MEGF10: variants seen among roughly 807,000 people sequenced by gnomAD.
MEGF10 encodes the protein multiple epidermal growth factor-like domains protein 10.
Under a neutral mutation model 147.5 loss-of-function variants are expected in MEGF10, and 86 were observed. The observed-to-expected ratio is 0.58, with a 90% CI of 0.49 to 0.70. The LOEUF is 0.70. MEGF10 is among the 30% of genes least tolerant of loss of function. The probability of loss-of-function intolerance (pLI) is 0.00; values close to 1 mark genes in which losing one functional copy is unlikely to be tolerated. For synonymous variants in MEGF10, 478 were observed against 525.5 expected, an observed-to-expected ratio of 0.91 and a Z score of 1.24; for missense variants, 1,329 against 1,487.3, an observed-to-expected ratio of 0.89 and a Z score of 1.75.
intron 21 of MEGF10, among the ~76,000 whole-genome samples, chr5:127,448,109 C>T (rs1241286779): frequency 6.6e-6 from 1 of 152,176 alleles, no homozygotes; most frequent in Non-Finnish European, 1.5e-5. Flanking sequence ...TCTCTTCTGA[C>T]CGCCCGTCCT....
intron 12 of MEGF10, among the ~76,000 whole-genome samples, chr5:127,421,951 T>A (rs907395180): frequency 1.5e-5 from 2 of 136,446 alleles, no homozygotes; most frequent in African/African-American, 5.6e-5. Context: ...ATAGCGCCAC[T>A]GCCGTCCGGC....
chr5:127,343,885 C>A (rs1175644919), intron 4 of MEGF10, among the ~76,000 whole-genome samples: 1 of 152,136 alleles, frequency 6.6e-6, no homozygotes, highest in Non-Finnish European at 1.5e-5. Flanking sequence ...AGCTGAGTGG[C>A]CTCCAGGAGC....
At chr5:127,301,837 A>G (rs1404274612) in intron 1 of MEGF10, among the ~76,000 whole-genome samples, 1 of 152,236 alleles carries the variant, frequency 6.6e-6, no homozygotes, top group Non-Finnish European at 1.5e-5. Flanking sequence ...AAGAATAATT[A>G]ACACATCTAG....
intron 20 of MEGF10, among the ~76,000 whole-genome samples, chr5:127,446,549 T>G (rs555621836): frequency 6.6e-6 from 1 of 152,314 alleles, no homozygotes; most frequent in African/African-American, 2.4e-5. Context: ...GTGGATACTG[T>G]GAACAAAAGT....
chr5:127,309,203 G>C (rs1760150357), intron 1 of MEGF10, among the ~76,000 whole-genome samples: 1 of 152,170 alleles, frequency 6.6e-6, no homozygotes, highest in Non-Finnish European at 1.5e-5. Context: ...AGTAAACAAG[G>C]AGTTCTCACC....
intron 8 of MEGF10, among the ~76,000 whole-genome samples, chr5:127,408,553 T>C (rs1764420791): frequency 6.6e-6 from 1 of 152,208 alleles, no homozygotes; most frequent in Admixed American, 6.5e-5. Flanking sequence ...TACACTCTGG[T>C]CCAAAAATAG....
chr5:127,368,176 G>A (rs1380645031), intron 4 of MEGF10, among the ~76,000 whole-genome samples: 1 of 152,140 alleles, frequency 6.6e-6, no homozygotes, highest in South Asian at 2.1e-4. Context: ...AATCAAAATA[G>A]TGCAGGGCCA....
intron 1 of MEGF10, among the ~76,000 whole-genome samples, chr5:127,311,762 A>G (rs1274816714): frequency 1.3e-5 from 2 of 152,204 alleles, no homozygotes; most frequent in African/African-American, 4.8e-5. Flanking sequence ...ATAGGCTTGA[A>G]GAAGTCGGAG....
At chr5:127,448,396 C>G (rs752539108) in intron 21 of MEGF10, among the ~76,000 whole-genome samples, 6 of 152,176 alleles carry the variant, frequency 3.9e-5, no homozygotes, top group Admixed American at 2.0e-4. Flanking sequence ...GAACCCAGAG[C>G]TGCTACTCCA....
At chr5:127,386,664 C>A (rs893630450) in intron 5 of MEGF10, among the ~76,000 whole-genome samples, 9 of 152,146 alleles carry the variant, frequency 5.9e-5, no homozygotes, top group African/African-American at 1.7e-4. Context: ...AGTTACTGGG[C>A]AATTTCGTTT....
chr5:127,423,451 CA>C (rs1765098835), intron 13 of MEGF10, among the ~76,000 whole-genome samples: 1 of 152,220 alleles, frequency 6.6e-6, no homozygotes, highest in Admixed American at 6.5e-5. Context: ...TTCCAAGTAT[CA>C]TGAGCAAAAA....
At chr5:127,373,472 A>T (rs902368895) in intron 5 of MEGF10, among the ~76,000 whole-genome samples, 2 of 152,004 alleles carry the variant, frequency 1.3e-5, no homozygotes, top group Non-Finnish European at 2.9e-5. Flanking sequence ...CTTTGACATG[A>T]CTCATCTTTT....
intron 2 of MEGF10, among the ~76,000 whole-genome samples, chr5:127,332,241 A>C (rs1403111490): frequency 2.6e-5 from 4 of 152,218 alleles, no homozygotes; most frequent in African/African-American, 9.7e-5. Flanking sequence ...CTCTGCTCTA[A>C]TGTGCTACTT....
At chr5:127,404,385 C>T (rs1254669112) in intron 8 of MEGF10, among the ~76,000 whole-genome samples, 4 of 151,916 alleles carry the variant, frequency 2.6e-5, no homozygotes, top group African/African-American at 4.8e-5. Context: ...AAAGTAATTG[C>T]GGTTTTTACC....
intron 16 of MEGF10, 64 bp downstream of exon 16, chr5:127,435,553 A>T: frequency 6.8e-7 from 1 of 1,479,662 alleles, no homozygotes; most frequent in East Asian, 2.4e-5. Context: ...ATTCTTTAGG[A>T]TTGAAGTATG....
intron 5 of MEGF10, among the ~76,000 whole-genome samples, chr5:127,374,265 G>T (rs954385941): frequency 2.6e-5 from 4 of 152,232 alleles, no homozygotes; most frequent in African/African-American, 4.8e-5. Flanking sequence ...CGTGCTCTGA[G>T]TGCACTGGAA....
intron 4 of MEGF10, among the ~76,000 whole-genome samples, chr5:127,369,400 C>G (rs530008019): frequency 2.9e-4 from 44 of 152,256 alleles, no homozygotes; most frequent in African/African-American, 9.9e-4. Flanking sequence ...AGAAAAAGAG[C>G]AAGCAATTCT....
intron 13 of MEGF10, among the ~76,000 whole-genome samples, chr5:127,431,843 T>A (rs1359411933): frequency 3.9e-5 from 6 of 152,232 alleles, no homozygotes; most frequent in Non-Finnish European, 8.8e-5. Context: ...TGTTTGATGC[T>A]TCTGCCCAGT....
At chr5:127,294,807 A>ATAG (rs1759420736) in intron 1 of MEGF10, among the ~76,000 whole-genome samples, 1 of 135,044 alleles carries the variant, frequency 7.4e-6, no homozygotes, top group African/African-American at 2.6e-5. Context: ...TCAAATAATA[A>ATAG]TAATAATAAT....
Sources: allele counts gnomAD v4.1 joint callset (sites outside exome capture counted in the v4.1 genomes callset), GRCh38; gene constraint gnomAD v4.1.1; transcripts MANE v1.5; gene names NCBI Gene and HGNC (gene_info 2026-07-23, HGNC 2026-07-21).